The following YAP1 variants were observed in gnomAD, a reference collection of about 807,000 sequenced individuals.
YAP1 encodes transcriptional coactivator YAP1.
In YAP1, 5 loss-of-function variants were observed where a neutral mutation model predicts 56.9. The observed-to-expected ratio is 0.09, with a 90% CI of 0.05 to 0.18. The LOEUF is 0.18. Among genes scored for constraint, YAP1 ranks in the 10% least tolerant of loss-of-function variants. YAP1 has a pLI of 1.00. For synonymous variants in YAP1, 265 were observed against 248.1 expected (o/e 1.07, Z -0.64); for missense variants, 539 against 651.8 (o/e 0.83, Z 1.88).
chr11:102,163,931 A>G (rs984050703), intron 3 of YAP1, among the ~76,000 whole-genome samples: 1 of 152,214 alleles, frequency 6.6e-6, no homozygotes, highest in African/African-American at 2.4e-5. Flanking sequence ...TTTTCTTGAC[A>G]TAGACTTTAA....
intron 2 of YAP1, among the ~76,000 whole-genome samples, chr11:102,132,330 C>T (rs1944411439): frequency 6.6e-6 from 1 of 152,216 alleles, no homozygotes; most frequent in South Asian, 2.1e-4. Flanking sequence ...TCCCTCCCCA[C>T]CTTGAATGAC....
chr11:102,173,782 T>G (rs1373329700), intron 3 of YAP1, among the ~76,000 whole-genome samples: 1 of 152,252 alleles, frequency 6.6e-6, no homozygotes, highest in Admixed American at 6.5e-5. Context: ...TTTCTGGAGT[T>G]GAATATGAAA....
intron 2 of YAP1, among the ~76,000 whole-genome samples, chr11:102,120,873 C>T (rs538646043): frequency 7.9e-5 from 12 of 152,156 alleles, no homozygotes; most frequent in Non-Finnish European, 1.8e-4. Flanking sequence ...TTCAACTTCT[C>T]GTATATCCTG....
At chr11:102,229,304 G>A (rs1026820443) in intron 8 of YAP1, among the ~76,000 whole-genome samples, 13 of 152,180 alleles carry the variant, frequency 8.5e-5, no homozygotes, top group African/African-American at 3.1e-4. Context: ...TAAGGCCAAG[G>A]TAGGTCTATA....
Position 102,186,005 on chromosome 11 carries a change from TTC to T in YAP1, c.689-11_689-10del. 5 of 1,546,184 alleles carry T rather than the reference TTC, an allele frequency of 3.2e-6. No individual in the cohort carries two copies. Among genetic ancestry groups the T allele is most frequent in the South Asian group, 1.3e-5 (1 of 78,870 alleles). Reference sequence around the variant, plus strand: ...TAAAAACCATGATTTTTTTTTTTTTTTCTGTATTATAGGTCCTCTTCCTGATG... The same window carrying T: ...TAAAAACCATGATTTTTTTTTTTTTTTGTATTATAGGTCCTCTTCCTGATG... On this transcript the variant is annotated splice_polypyrimidine_tract_variant and intron_variant, in intron 3 of 8. Transcript: ENST00000282441.
intron 3 of YAP1, among the ~76,000 whole-genome samples, chr11:102,163,018 C>G (rs569314760): frequency 2.1e-5 from 3 of 146,288 alleles, no homozygotes; most frequent in Non-Finnish European, 4.5e-5. Flanking sequence ...GTTCTTAACC[C>G]AACTTTTAAT....
At chr11:102,214,630 C>G (rs1444566971) in intron 6 of YAP1, among the ~76,000 whole-genome samples, 1 of 152,046 alleles carries the variant, frequency 6.6e-6, no homozygotes, top group Non-Finnish European at 1.5e-5. Flanking sequence ...TTAAATAAAT[C>G]ATAGATTTAT....
At chr11:102,124,412 A>G (rs762552091) in intron 2 of YAP1, among the ~76,000 whole-genome samples, 32 of 152,182 alleles carry the variant, frequency 2.1e-4, no homozygotes, top group Non-Finnish European at 3.5e-4. Context: ...GTATCAGTTC[A>G]TGTAAAGAAA....
Position 102,114,370 on chromosome 11 carries a change from C to A in YAP1, c.548C>A (p.Ser183Tyr), listed in dbSNP as rs1591101038. 1 of 1,613,776 alleles carries A rather than the reference C, an allele frequency of 6.2e-7. No homozygotes were observed. The highest frequency in any genetic ancestry group is 2.2e-5 in the East Asian group (1 of 44,900). Residue 183 changes from serine (S) to tyrosine (Y), a missense_variant, in exon 2 of 9, where the codon TCT (serine) becomes TAT (tyrosine). Around this residue, in one of 4 missense-constraint regions of YAP1, gnomAD observed 414 missense variants for 512.4 expected, o/e 0.81. Transcript: ENST00000282441. ...LPAGWEMAKT[S>Y]SGQRYFLNHI... ...GCAGGTTGGGAGATGGCAAAGACAT[C>A]TTCTGGTCAGAGATACTTCTTAAAG...
At chr11:102,122,932 A>G (rs960345770) in intron 2 of YAP1, among the ~76,000 whole-genome samples, 3 of 149,892 alleles carry the variant, frequency 2.0e-5, no homozygotes, top group African/African-American at 7.3e-5. Context: ...GAAAAGAGCA[A>G]TGACCCTCTT....
chr11:102,185,559 A>G (rs912627479), intron 3 of YAP1, among the ~76,000 whole-genome samples: 1 of 152,186 alleles, frequency 6.6e-6, no homozygotes, highest in African/African-American at 2.4e-5. Flanking sequence ...CTTAGCTAAA[A>G]TGTGCTTTAT....
chr11:102,121,851 G>A (rs1225378045), intron 2 of YAP1, among the ~76,000 whole-genome samples: 2 of 152,158 alleles, frequency 1.3e-5, no homozygotes, highest in Non-Finnish European at 2.9e-5. Context: ...GACTTGGAGT[G>A]CAGTTGCATG....
chr11:102,227,206 A>T (rs1348716053), intron 7 of YAP1: 3 of 380,936 alleles, frequency 7.9e-6, no homozygotes, highest in Non-Finnish European at 9.5e-6. Flanking sequence ...TTTGTCCCTT[A>T]TTGTCACCAA....
At chr11:102,118,283 G>T (rs1943417735) in intron 2 of YAP1, among the ~76,000 whole-genome samples, 1 of 152,044 alleles carries the variant, frequency 6.6e-6, no homozygotes, top group South Asian at 2.1e-4. Flanking sequence ...GAAGATTCAA[G>T]GTTTTTTGTG....
chr11:102,217,472 A>G lies in YAP1; in HGVS notation c.1033-6150A>G, dbSNP rs547461355. Among the ~76,000 whole-genome samples the G allele has an allele frequency of 4.6e-5, 7 of 152,362 alleles. No homozygotes were observed. In the South Asian group the frequency reaches 1.4e-3, roughly 32 times the overall value. On this transcript the variant is annotated intron_variant, in intron 6 of 8. Transcript: ENST00000282441. The stretch of plus-strand genomic sequence containing the variant: ...GAATAAACAAATGTAATATATTCCT[A>G]CAGTGGAATACTAGTTAGCAATAAA...
intron 2 of YAP1, among the ~76,000 whole-genome samples, chr11:102,157,353 T>C (rs1946015192): frequency 1.3e-5 from 2 of 152,176 alleles, no homozygotes; most frequent in Admixed American, 1.3e-4. Flanking sequence ...GTATCATTGT[T>C]CCTAGAGTCA....
At chr11:102,148,061 T>G (rs1945422337) in intron 2 of YAP1, among the ~76,000 whole-genome samples, 1 of 152,218 alleles carries the variant, frequency 6.6e-6, no homozygotes. Flanking sequence ...TGACTATCCT[T>G]GGTTATTTAG....
At position 102,110,560 on chromosome 11, in the gene YAP1, C is replaced by T. The variant is rs1337429505; in HGVS notation, c.-289C>T. The T allele has an allele frequency of 5.0e-6, 1 of 201,794 alleles. No individual in the cohort carries two copies. Among genetic ancestry groups the T allele is most frequent in the Non-Finnish European group, 9.9e-6 (1 of 101,308 alleles). The allele number at this position is 201,794 out of a possible 1,614,324, so 12.5% of individuals were successfully genotyped here. A position where few individuals can be genotyped will look rare whatever the true frequency, so the allele number is the denominator to read the frequency against. On this transcript the variant is annotated 5_prime_UTR_variant, in exon 1 of 9. Transcript: ENST00000282441. ...AGGCAACGAGCTGTCCGGCCTCCGT[C>T]AAGGGAGTTGGAGGGAAAAAGTTCT...
intron 6 of YAP1, among the ~76,000 whole-genome samples, chr11:102,221,260 C>T (rs1949913477): frequency 2.0e-5 from 3 of 151,984 alleles, no homozygotes; most frequent in African/African-American, 7.3e-5. Flanking sequence ...GCAGGGAAGA[C>T]AGGCAAACAA....
Sources: gnomAD v4.1 joint callset for allele counts (sites outside exome capture counted in the v4.1 genomes callset) on GRCh38, gnomAD v4.1.1 for gene constraint, gnomAD v4.1.1 regional missense constraint, MANE v1.5 for transcripts, NCBI Gene and HGNC (gene_info 2026-07-23, HGNC 2026-07-21) for gene names.